The following PHF14 variants were observed in gnomAD, a reference collection of about 807,000 sequenced individuals.
PHF14 encodes PHD finger protein 14.
PHF14 carries 55 observed loss-of-function variants against 117.9 expected under a neutral mutation model. The observed-to-expected ratio is 0.47, with a 90% CI of 0.38 to 0.58. The LOEUF (loss-of-function observed/expected upper bound fraction) is 0.58. Ranked by LOEUF, PHF14 falls within the 20% of genes least tolerant of loss-of-function variation. The pLI is 0.00. For synonymous variants in PHF14, 409 were observed against 368.6 expected, an observed-to-expected ratio of 1.11 and a Z score of -1.26; for missense variants, 978 against 1,122.2, an observed-to-expected ratio of 0.87 and a Z score of 1.84.
chr7:11,066,953 A>C (rs761241016), intron 16 of PHF14, among the ~76,000 whole-genome samples: 4 of 152,204 alleles, frequency 2.6e-5, no homozygotes, highest in Non-Finnish European at 5.9e-5. Context: ...ACAGCAACAA[A>C]AAATTAGCTA....
At chr7:10,979,169 G>T (rs1256961294) in intron 2 of PHF14, among the ~76,000 whole-genome samples, 1 of 152,090 alleles carries the variant, frequency 6.6e-6, no homozygotes, top group Non-Finnish European at 1.5e-5. Context: ...GGTATTGATG[G>T]TTGATATTAA....
chr7:11,099,017 T>C (rs575876293), intron 16 of PHF14, among the ~76,000 whole-genome samples: 3 of 152,316 alleles, frequency 2.0e-5, no homozygotes, highest in East Asian at 3.9e-4. Flanking sequence ...TCAAAAATGC[T>C]TTTCTATTAG....
intron 17 of PHF14, among the ~76,000 whole-genome samples, chr7:11,126,745 A>G (rs553439589): frequency 6.6e-6 from 1 of 150,820 alleles, no homozygotes; most frequent in South Asian, 2.1e-4. Context: ...AGTTAGCTGT[A>G]TTTTTTTAAC....
intron 5 of PHF14, chr7:11,014,770 A>G (rs1250398779): frequency 1.3e-5 from 2 of 152,196 alleles, no homozygotes; most frequent in Admixed American, 6.5e-5. Flanking sequence ...GTATTGAAGC[A>G]TGCGTGAGAG....
intron 14 of PHF14, among the ~76,000 whole-genome samples, chr7:11,058,672 C>T (rs1785102208): frequency 6.6e-6 from 1 of 152,130 alleles, no homozygotes; most frequent in Admixed American, 6.5e-5. Flanking sequence ...AAGAAATCTT[C>T]ATTGGGCATC....
In PHF14 at chr7:11,065,330, A is replaced by C. The variant is rs1785387919; in HGVS notation, c.2654+3245A>C. Among the ~76,000 whole-genome samples, 3 of 152,222 alleles carry C rather than the reference A, an allele frequency of 2.0e-5. No individual in the cohort carries two copies. In the South Asian group the frequency reaches 6.2e-4, roughly 32 times the overall value. The stretch of plus-strand genomic sequence containing the variant: ...AAGTCTTAAAGGCTTTGTCTGTGAT[A>C]GGTCATTCTTTGTTGGAAGTAGTTA... On this transcript the variant is annotated intron_variant, in intron 16 of 17. Coordinates refer to ENST00000634607, the MANE Select transcript of PHF14 (RefSeq NM_001007157.2).
At chr7:10,998,782 G>C (rs924546445) in intron 4 of PHF14, among the ~76,000 whole-genome samples, 3 of 152,132 alleles carry the variant, frequency 2.0e-5, no homozygotes, top group African/African-American at 7.2e-5. Flanking sequence ...GATGAGTTCT[G>C]TCAGTTTTGG....
chr7:10,980,065 A>T (rs572932128), intron 2 of PHF14, among the ~76,000 whole-genome samples: 25 of 152,296 alleles, frequency 1.6e-4, no homozygotes, highest in Middle Eastern at 3.4e-3. Context: ...AAAAATAATT[A>T]ATTAATTGGC....
intron 16 of PHF14, among the ~76,000 whole-genome samples, chr7:11,080,016 C>A: frequency 6.6e-6 from 1 of 152,000 alleles, no homozygotes; most frequent in East Asian, 1.9e-4. Flanking sequence ...ACTCAGTGGT[C>A]TAAAAGATGG....
rs547504998 is a variant in PHF14 at position 11,130,156 on chromosome 7, G to A, written c.2772+18689G>A. The stretch of plus-strand genomic sequence containing the variant: ...TTTGTTTCAACATATGTGGTCCACA[G>A]CATAGTAGCAGGAAATACCACAAAT... On this transcript the variant is annotated intron_variant, in intron 17 of 17. Coordinates refer to ENST00000634607, the MANE Select transcript of PHF14 (RefSeq NM_001007157.2). The surrounding 1 kb of genome is among the most constrained non-coding windows in gnomAD (Gnocchi z 4.2). Among the ~76,000 whole-genome samples, 1 of 152,114 alleles carries A rather than the reference G, an allele frequency of 6.6e-6. No individual in the cohort carries two copies. The highest frequency in any genetic ancestry group is 1.5e-5 in the Non-Finnish European group (1 of 67,952).
chr7:11,052,720 A>G (rs1784885555), intron 14 of PHF14, among the ~76,000 whole-genome samples: 1 of 152,168 alleles, frequency 6.6e-6, no homozygotes, highest in Non-Finnish European at 1.5e-5. Flanking sequence ...GATTTTGTTC[A>G]TCTATTTACA....
At chr7:11,096,629 A>C (rs906378395) in intron 16 of PHF14, among the ~76,000 whole-genome samples, 1 of 152,168 alleles carries the variant, frequency 6.6e-6, no homozygotes, top group Non-Finnish European at 1.5e-5. Context: ...GGTTGTTGCC[A>C]ATTATAAAGC....
chr7:11,162,020 G>A (rs995025721), intron 17 of PHF14, among the ~76,000 whole-genome samples: 1 of 136,264 alleles, frequency 7.3e-6, no homozygotes, highest in Non-Finnish European at 1.6e-5. Context: ...AGAAAAGGCT[G>A]TTTACAGTAT....
chr7:10,996,854 C>T (rs2128311964), intron 4 of PHF14, among the ~76,000 whole-genome samples: 1 of 152,326 alleles, frequency 6.6e-6, no homozygotes, highest in Middle Eastern at 3.4e-3. Flanking sequence ...AAGATAGGCA[C>T]ACTCTCAGGA....
chr7:11,035,482 A>G (rs1283865996), intron 7 of PHF14, 158 bp from the exon 8 acceptor site: 2 of 405,920 alleles, frequency 4.9e-6, no homozygotes, highest in East Asian at 7.4e-5. Context: ...TAAAGAAGTA[A>G]TTTTTGTCAT....
intron 17 of PHF14, among the ~76,000 whole-genome samples, chr7:11,113,823 A>G (rs923921302): frequency 4.6e-5 from 7 of 152,182 alleles, no homozygotes; most frequent in African/African-American, 1.7e-4. Flanking sequence ...ATTGATAGAT[A>G]ATGTCATGCT....
chr7:11,073,174 C>G (rs1451825663), intron 16 of PHF14, among the ~76,000 whole-genome samples: 1 of 152,170 alleles, frequency 6.6e-6, no homozygotes, highest in Non-Finnish European at 1.5e-5. Flanking sequence ...TTACTCACTC[C>G]ATCGTTGATT....
chr7:11,075,139 G>T (rs142718465), intron 16 of PHF14, among the ~76,000 whole-genome samples: 5 of 151,676 alleles, frequency 3.3e-5, no homozygotes, highest in Admixed American at 3.3e-4. Context: ...GAGTTTCACC[G>T]TGTTGCCCAG....
intron 17 of PHF14, among the ~76,000 whole-genome samples, chr7:11,138,687 G>A (rs1326112374): frequency 1.3e-5 from 2 of 152,166 alleles, no homozygotes; most frequent in East Asian, 1.9e-4. Context: ...ATTCGTGCAA[G>A]TTCTTTAAAG....
Sources: gnomAD v4.1 joint callset for allele counts (sites outside exome capture counted in the v4.1 genomes callset) on GRCh38, gnomAD v4.1.1 for gene constraint, Gnocchi (gnomAD v3.1) non-coding constraint, MANE v1.5 for transcripts, NCBI Gene and HGNC (gene_info 2026-07-23, HGNC 2026-07-21) for gene names.